Variants in MAPKAP1 observed in about 807,000 individuals in gnomAD.
MAPKAP1 encodes MAPK associated protein 1, also known as target of rapamycin complex 2 subunit MAPKAP1.
Under a neutral mutation model 65.7 loss-of-function variants are expected in MAPKAP1, and 20 were observed. The observed-to-expected ratio is 0.30, with a 90% CI of 0.21 to 0.44. MAPKAP1 has a LOEUF of 0.44. MAPKAP1 is among the 20% of genes least tolerant of loss of function. The probability of loss-of-function intolerance (pLI) is 1.00; values close to 1 mark genes in which losing one functional copy is unlikely to be tolerated. For missense variants in MAPKAP1, 423 were observed against 648.0 expected, an observed-to-expected ratio of 0.65 and a Z score of 3.77; for synonymous variants, 222 against 244.3, an observed-to-expected ratio of 0.91 and a Z score of 0.85.
intron 7 of MAPKAP1, among the ~76,000 whole-genome samples, chr9:125,536,312 G>C (rs1830070987): frequency 6.6e-6 from 1 of 152,202 alleles, no homozygotes; most frequent in South Asian, 2.1e-4. Flanking sequence ...AAGATAAAGA[G>C]GCAGAGAAAG....
intron 6 of MAPKAP1, among the ~76,000 whole-genome samples, chr9:125,543,664 CG>C (rs570362142): frequency 3.3e-5 from 5 of 151,838 alleles, no homozygotes; most frequent in African/African-American, 4.8e-5. Context: ...TGGTGGGTGG[CG>C]GGGGGGCAGT....
At chr9:125,684,707 C>T (rs575256604) in intron 1 of MAPKAP1, among the ~76,000 whole-genome samples, 49 of 152,274 alleles carry the variant, frequency 3.2e-4, no homozygotes, top group African/African-American at 1.2e-3. Flanking sequence ...AGCCTTTTCA[C>T]CCTTCTTCCC....
chr9:125,525,740 G>T (rs1829746573), intron 7 of MAPKAP1, among the ~76,000 whole-genome samples: 1 of 151,856 alleles, frequency 6.6e-6, no homozygotes, highest in Non-Finnish European at 1.5e-5. Flanking sequence ...CAGGAGCAGG[G>T]GTGGAACCAG....
chr9:125,457,550 C>T (rs568253706), intron 10 of MAPKAP1, among the ~76,000 whole-genome samples: 1 of 152,356 alleles, frequency 6.6e-6, no homozygotes, highest in African/African-American at 2.4e-5. Context: ...TAAGCGAATG[C>T]TGGACACTAT....
chr9:125,651,962 AT>A (rs963921678), intron 4 of MAPKAP1, among the ~76,000 whole-genome samples: 2 of 151,620 alleles, frequency 1.3e-5, no homozygotes, highest in African/African-American at 4.9e-5. Flanking sequence ...CCCAGGCTAC[AT>A]TTTTTTTTCT....
At position 125,439,105 on chromosome 9, in the gene MAPKAP1, G is replaced by C; in HGVS notation, c.1444-93C>G. 6.7e-7 allele frequency: 1 copy of C among 1,488,408 alleles called. No individual in the cohort carries two copies. The highest frequency in any genetic ancestry group is 9.1e-7 in the Non-Finnish European group (1 of 1,098,964). The allele number at this position is 1,488,408 out of a possible 1,614,324, so 92.2% of individuals were successfully genotyped here. A position where few individuals can be genotyped will look rare whatever the true frequency, so the allele number is the denominator to read the frequency against. On this transcript the variant is annotated intron_variant, in intron 11 of 11. Transcript: ENST00000265960. The surrounding 1 kb of genome is among the most constrained non-coding windows in gnomAD (Gnocchi z 4.0). ...GGGTGGCAGGGAAGGCCCTGACCTG[G>C]GCCGGGTGCCTCAGGGCCAGGTGCT... is the stretch of plus-strand genomic sequence containing the variant.
chr9:125,656,052 G>T (rs1293647074), intron 4 of MAPKAP1, among the ~76,000 whole-genome samples: 1 of 152,142 alleles, frequency 6.6e-6, no homozygotes, highest in South Asian at 2.1e-4. Flanking sequence ...GAATTATAGA[G>T]TATTTTAAAA....
At chr9:125,566,442 G>A (rs1477758053) in intron 5 of MAPKAP1, among the ~76,000 whole-genome samples, 1 of 152,160 alleles carries the variant, frequency 6.6e-6, no homozygotes, top group Non-Finnish European at 1.5e-5. Flanking sequence ...GCACATGCTT[G>A]TAGTCCCAGC....
intron 4 of MAPKAP1, among the ~76,000 whole-genome samples, chr9:125,621,667 G>C (rs1281312328): frequency 1.3e-5 from 2 of 152,186 alleles, no homozygotes; most frequent in African/African-American, 4.8e-5. Context: ...TGTATGTTTA[G>C]ATTAACAGCC....
At chr9:125,636,985 C>T (rs1589367787) in intron 4 of MAPKAP1, among the ~76,000 whole-genome samples, 1 of 152,190 alleles carries the variant, frequency 6.6e-6, no homozygotes, top group African/African-American at 2.4e-5. Flanking sequence ...TTATTGCAAA[C>T]TGGCCAGGCA....
chr9:125,458,135 A>G (rs1391544204), intron 10 of MAPKAP1, among the ~76,000 whole-genome samples: 1 of 150,800 alleles, frequency 6.6e-6, no homozygotes, highest in Non-Finnish European at 1.5e-5. Flanking sequence ...TGGTTTTTAT[A>G]TTTTGTTCAG....
At chr9:125,572,842 C>T (rs553364938) in intron 5 of MAPKAP1, 2 of 152,166 alleles carry the variant, frequency 1.3e-5, no homozygotes, top group Admixed American at 6.5e-5. Context: ...TGTAGGAATA[C>T]AGGACAAGCT....
intron 4 of MAPKAP1, among the ~76,000 whole-genome samples, chr9:125,641,030 T>C (rs1439478131): frequency 1.3e-5 from 2 of 152,232 alleles, no homozygotes; most frequent in East Asian, 1.9e-4. Flanking sequence ...AGGCAAGTTG[T>C]TTAATCTCTA....
intron 7 of MAPKAP1, among the ~76,000 whole-genome samples, chr9:125,517,216 T>A (rs1829486148): frequency 6.6e-6 from 1 of 152,176 alleles, no homozygotes; most frequent in Non-Finnish European, 1.5e-5. Context: ...AAAAGAATTG[T>A]AAGGTTTAGA....
intron 10 of MAPKAP1, among the ~76,000 whole-genome samples, chr9:125,459,871 G>GCTGATCATTTCTTAAAAACTAAAC (rs1853413793): frequency 1.3e-5 from 2 of 151,596 alleles, no homozygotes; most frequent in Admixed American, 6.6e-5. Flanking sequence ...GGGAGAGGGA[G>GCTGATCATTTCTTAAAAACTAAAC]AGGGACGCAT....
intron 4 of MAPKAP1, among the ~76,000 whole-genome samples, chr9:125,654,557 C>T (rs1833979572): frequency 1.3e-5 from 2 of 152,192 alleles, no homozygotes; most frequent in African/African-American, 4.8e-5. Flanking sequence ...TACACCAAGG[C>T]ACATGCCTAA....
chr9:125,452,485 C>T (rs978594017), intron 10 of MAPKAP1, among the ~76,000 whole-genome samples: 4 of 152,154 alleles, frequency 2.6e-5, no homozygotes, highest in African/African-American at 9.7e-5. Flanking sequence ...AGAATAAAGT[C>T]CAAGCTTCAT....
chr9:125,691,177 C>T (rs761402262), intron 1 of MAPKAP1, among the ~76,000 whole-genome samples: 1 of 152,130 alleles, frequency 6.6e-6, no homozygotes, highest in South Asian at 2.1e-4. Context: ...AGGAGAATGG[C>T]GTGAACCTGG....
chr9:125,691,163 A>AGGCAGG (rs1196694192), intron 1 of MAPKAP1, among the ~76,000 whole-genome samples: 2 of 152,300 alleles, frequency 1.3e-5, no homozygotes, highest in African/African-American at 4.8e-5. Flanking sequence ...TGGGAGGCTG[A>AGGCAGG]GGCAGGAGAA....
Sources: gnomAD v4.1 joint callset for allele counts (sites outside exome capture counted in the v4.1 genomes callset) on GRCh38, gnomAD v4.1.1 for gene constraint, Gnocchi (gnomAD v3.1) non-coding constraint, MANE v1.5 for transcripts, NCBI Gene and HGNC (gene_info 2026-07-23, HGNC 2026-07-21) for gene names.